COL5A2: variants seen among roughly 807,000 people sequenced by gnomAD.
COL5A2 encodes the protein collagen type V alpha 2 chain.
COL5A2 carries 23 observed loss-of-function variants against 208.2 expected under a neutral mutation model. The observed-to-expected ratio is 0.11, with a 90% CI of 0.08 to 0.16. The LOEUF (loss-of-function observed/expected upper bound fraction) is 0.16, where lower values mean the gene tolerates loss of function less well. COL5A2 is among the 10% of genes least tolerant of loss of function. COL5A2 has a pLI of 1.00. For synonymous variants in COL5A2, 625 were observed against 628.5 expected, an observed-to-expected ratio of 0.99 and a Z score of 0.08; for missense variants, 1,590 against 1,956.4, an observed-to-expected ratio of 0.81 and a Z score of 3.53.
intron 31 of COL5A2, among the ~76,000 whole-genome samples, chr2:189,059,584 G>GTTTTTTTTTTTTTTTT (rs1559083852): frequency 4.7e-5 from 1 of 21,234 alleles, no homozygotes; most frequent in Non-Finnish European, 1.8e-4. Flanking sequence ...TTTCTTTTCT[G>GTTTTTTTTTTTTTTTT]GTTTTTTTTT....
chr2:189,055,963 A>T (rs1255883700), intron 35 of COL5A2, among the ~76,000 whole-genome samples: 1 of 152,232 alleles, frequency 6.6e-6, no homozygotes, highest in Non-Finnish European at 1.5e-5. Context: ...CTATTTTTGA[A>T]ATATTAAATT....
chr2:189,419,762 C>T, the COL5A2 span, among the ~76,000 whole-genome samples: 1 of 151,364 alleles, frequency 6.6e-6, no homozygotes, highest in Non-Finnish European at 1.5e-5. Context: ...TACCACTGCA[C>T]TTCAGCCTGG....
chr2:189,325,252 A>C, the COL5A2 span, among the ~76,000 whole-genome samples: 1 of 152,044 alleles, frequency 6.6e-6, no homozygotes, highest in Non-Finnish European at 1.5e-5. Context: ...CAAACATGGC[A>C]CATGTATACA....
At chr2:189,344,207 T>C in the COL5A2 span, among the ~76,000 whole-genome samples, 1 of 152,178 alleles carries the variant, frequency 6.6e-6, no homozygotes. Context: ...ATGAACATGT[T>C]TACATGGCTA....
the COL5A2 span, among the ~76,000 whole-genome samples, chr2:189,402,954 A>G: frequency 6.6e-6 from 1 of 152,140 alleles, no homozygotes; most frequent in Admixed American, 6.5e-5. Context: ...AAGAATGTCA[A>G]TGGTCGTTTA....
chr2:189,421,963 C>T, the COL5A2 span, among the ~76,000 whole-genome samples: 5 of 152,254 alleles, frequency 3.3e-5, no homozygotes, highest in South Asian at 8.3e-4. Context: ...CTGCAATGGC[C>T]ACGGTGGTCC....
chr2:189,355,841 C>T, the COL5A2 span, among the ~76,000 whole-genome samples: 1 of 152,088 alleles, frequency 6.6e-6, no homozygotes, highest in Non-Finnish European at 1.5e-5. Flanking sequence ...GGTTACTTTG[C>T]CCGTTACTTG....
At chr2:189,405,478 A>G in the COL5A2 span, among the ~76,000 whole-genome samples, 1 of 152,056 alleles carries the variant, frequency 6.6e-6, no homozygotes, top group South Asian at 2.1e-4. Context: ...TGATCTGCTC[A>G]CCTCGCCTCA....
chr2:189,240,752 C>T, the COL5A2 span, among the ~76,000 whole-genome samples: 11 of 152,218 alleles, frequency 7.2e-5, no homozygotes, highest in East Asian at 7.7e-4. Flanking sequence ...CTTTTCCAAA[C>T]CTTTACATGT....
At chr2:189,360,976 T>TG in the COL5A2 span, among the ~76,000 whole-genome samples, 3 of 151,954 alleles carry the variant, frequency 2.0e-5, no homozygotes, top group Admixed American at 6.6e-5. Flanking sequence ...TGTTCTGTTT[T>TG]TTTTTTTTTT....
the COL5A2 span, among the ~76,000 whole-genome samples, chr2:189,402,600 A>C: frequency 1.3e-5 from 2 of 152,294 alleles, no homozygotes; most frequent in South Asian, 2.1e-4. Flanking sequence ...GTCCAGTTTC[A>C]ATTTTTTCAT....
the COL5A2 span, among the ~76,000 whole-genome samples, chr2:189,328,446 G>T: frequency 1.3e-5 from 2 of 152,120 alleles, no homozygotes; most frequent in East Asian, 3.8e-4. Context: ...TCAGGCCCAG[G>T]CAATCCAGCA....
intron 47 of COL5A2, among the ~76,000 whole-genome samples, chr2:189,043,558 C>T (rs1174134478): frequency 6.6e-6 from 1 of 151,810 alleles, no homozygotes; most frequent in Admixed American, 6.6e-5. Flanking sequence ...TTTGATCTAG[C>T]CTATCTGAAA....
the COL5A2 span, among the ~76,000 whole-genome samples, chr2:189,271,031 T>C: frequency 1.3e-3 from 200 of 152,168 alleles, no homozygotes; most frequent in African/African-American, 4.5e-3. Context: ...GGAAAAACAT[T>C]CCATGCTCAT....
At chr2:189,412,243 GT>G in the COL5A2 span, among the ~76,000 whole-genome samples, 1 of 152,154 alleles carries the variant, frequency 6.6e-6, no homozygotes, top group South Asian at 2.1e-4. Flanking sequence ...TCATCCTAAC[GT>G]TCGTGAAATG....
rs55929725 is a variant in COL5A2 at position 189,080,812 on chromosome 2, T to C, written c.906+178A>G. ...AATATATTTCTTTATCAAATCAAATTAAACTCAAAGGAAATGTATTAAAAA... is the reference window on the plus strand; with the variant it reads ...AATATATTTCTTTATCAAATCAAATCAAACTCAAAGGAAATGTATTAAAAA... On this transcript the variant is annotated intron_variant, in intron 13 of 53. Transcript: ENST00000374866. Among the ~76,000 whole-genome samples, 21,602 of 152,158 alleles carry C rather than the reference T, an allele frequency of 0.14. 1,525 individuals carry two copies. The highest frequency in any genetic ancestry group is 0.19 in the Middle Eastern group (55 of 290).
At chr2:189,160,343 C>A (rs1159115449) in intron 1 of COL5A2, among the ~76,000 whole-genome samples, 2 of 152,062 alleles carry the variant, frequency 1.3e-5, no homozygotes, top group African/African-American at 4.8e-5. Flanking sequence ...GAGTATAGAC[C>A]ACTAGCCAAC....
At chr2:189,252,089 G>A in the COL5A2 span, among the ~76,000 whole-genome samples, 1 of 152,166 alleles carries the variant, frequency 6.6e-6, no homozygotes, top group African/African-American at 2.4e-5. Flanking sequence ...TTAGAATGGT[G>A]ATCATGAAAA....
chr2:189,204,434 G>A (rs1383136214), intron 1 of COL5A2, among the ~76,000 whole-genome samples: 1 of 152,138 alleles, frequency 6.6e-6, no homozygotes. Context: ...TTTCTTAAAA[G>A]AATCTACTGC....
Sources: gnomAD v4.1 joint callset for allele counts (sites outside exome capture counted in the v4.1 genomes callset) on GRCh38, gnomAD v4.1.1 for gene constraint, MANE v1.5 for transcripts, NCBI Gene and HGNC (gene_info 2026-07-23, HGNC 2026-07-21) for gene names.